The following GRIN2A variants were observed in gnomAD, a reference collection of about 807,000 sequenced individuals.
GRIN2A encodes the protein glutamate ionotropic receptor NMDA type subunit 2A.
A neutral mutation model predicts 113.4 loss-of-function variants in GRIN2A; 22 were observed. The ratio of observed to expected loss-of-function variants is 0.19; its 90% confidence interval spans 0.14 to 0.28. The LOEUF (loss-of-function observed/expected upper bound fraction) is 0.28. GRIN2A is among the 10% of genes least tolerant of loss of function. The probability of loss-of-function intolerance (pLI) is 1.00; values close to 1 mark genes in which losing one functional copy is unlikely to be tolerated. For missense variants in GRIN2A, 1,502 were observed against 1,887.0 expected (o/e 0.80, Z 3.78); for synonymous variants, 827 against 738.4 (o/e 1.12, Z -1.94).
intron 2 of GRIN2A, among the ~76,000 whole-genome samples, chr16:10,048,547 T>C (rs1456272631): frequency 6.6e-6 from 1 of 152,214 alleles, no homozygotes; most frequent in East Asian, 1.9e-4. Flanking sequence ...TCCACTTGAA[T>C]TAACATTCAG....
intron 2 of GRIN2A, among the ~76,000 whole-genome samples, chr16:10,168,966 AAATAATAACAATAAT>A (rs1450805609): frequency 1.1e-4 from 13 of 115,692 alleles, no homozygotes; most frequent in African/African-American, 4.6e-4. Context: ...ACTCTGTCTC[AAATAATAACAATAAT>A]AATAATAATA....
At chr16:10,099,179 T>A (rs899368580) in intron 2 of GRIN2A, among the ~76,000 whole-genome samples, 5 of 152,170 alleles carry the variant, frequency 3.3e-5, no homozygotes, top group Non-Finnish European at 7.4e-5. Flanking sequence ...ACAAAGGGCA[T>A]CATTATGAGT....
chr16:9,940,766 C>T (rs1360239549), intron 2 of GRIN2A, among the ~76,000 whole-genome samples: 1 of 152,134 alleles, frequency 6.6e-6, no homozygotes. Context: ...ACTACCCAAC[C>T]ATCCAATACC....
chr16:9,784,749 A>G (rs1596402119), intron 11 of GRIN2A, among the ~76,000 whole-genome samples: 1 of 152,066 alleles, frequency 6.6e-6, no homozygotes, highest in Admixed American at 6.6e-5. Flanking sequence ...TACAAGAAAA[A>G]AACAAACAAC....
rs566564463 is a variant in GRIN2A at position 9,874,791 on chromosome 16, A to C, written c.1122+16195T>G. Among the ~76,000 whole-genome samples, 49 of 152,102 alleles carry C rather than the reference A, an allele frequency of 3.2e-4. 1 individual carries two copies. Among genetic ancestry groups the C allele is most frequent in the Non-Finnish European group, 5.4e-4 (37 of 67,988 alleles). ...ATCATACTCATCTTGAATGTCTGTT[A>C]AAAGAGGATCAAGGCTGGGCACGGT... On this transcript the variant is annotated intron_variant, in intron 4 of 12. Coordinates refer to ENST00000330684, the MANE Select transcript of GRIN2A (RefSeq NM_001134407.3).
At chr16:9,944,627 G>A (rs1038652583) in intron 2 of GRIN2A, among the ~76,000 whole-genome samples, 7 of 152,044 alleles carry the variant, frequency 4.6e-5, no homozygotes, top group Non-Finnish European at 7.4e-5. Context: ...GCCTAGTTGC[G>A]GAGAGGTGTG....
intron 10 of GRIN2A, among the ~76,000 whole-genome samples, chr16:9,806,543 G>A (rs888291610): frequency 6.6e-6 from 1 of 152,100 alleles, no homozygotes; most frequent in Non-Finnish European, 1.5e-5. Context: ...GCAGAGAGAA[G>A]CAGAGAAGGG....
chr16:10,067,183 G>C (rs566728215), intron 2 of GRIN2A, among the ~76,000 whole-genome samples: 2 of 152,006 alleles, frequency 1.3e-5, no homozygotes, highest in African/African-American at 4.8e-5. Flanking sequence ...AAAGACACTT[G>C]CATCTGGGGC....
chr16:10,122,633 T>C lies in GRIN2A; in HGVS notation c.414+57365A>G, dbSNP rs977644821. 2.0e-5 allele frequency among the ~76,000 whole-genome samples: 3 copies of C among 152,132 alleles called. No homozygotes were observed. The East Asian group carries it at 5.8e-4, about 29-fold the overall frequency. The stretch of plus-strand genomic sequence containing the variant: ...CAAAAAATGGGGAGCATTAAAATTT[T>C]AAAAAAGGAATTAGATGAATATCCT... On this transcript the variant is annotated intron_variant, in intron 2 of 12. Transcript: ENST00000330684.
rs963156016 is a variant in GRIN2A at position 9,834,365 on chromosome 16, C to T, written c.1652-135G>A. 1.6e-5 allele frequency: 13 copies of T among 805,856 alleles called. 1 individual carries two copies. Among genetic ancestry groups the T allele is most frequent in the Admixed American group, 4.2e-5 (2 of 47,452 alleles). The allele number at this position is 805,856 out of a possible 1,614,324, so 49.9% of individuals were successfully genotyped here. On this transcript the variant is annotated intron_variant, in intron 7 of 12. Coordinates refer to ENST00000330684, the MANE Select transcript of GRIN2A (RefSeq NM_001134407.3). The stretch of plus-strand genomic sequence containing the variant: ...TTTGAATCTGATCCTTCAAAAGAAG[C>T]TAATCATTTTTTATTTTTATTTTTA...
rs184767942 is a variant in GRIN2A at position 9,794,464 on chromosome 16, C to T, written c.2356+3813G>A. Among the ~76,000 whole-genome samples, 3 of 152,306 alleles carry T rather than the reference C, an allele frequency of 2.0e-5. No individual in the cohort carries two copies. The East Asian group carries it at 5.8e-4, about 29-fold the overall frequency. On this transcript the variant is annotated intron_variant, in intron 11 of 12. Transcript: ENST00000330684. ...TAGAGCATAATTAATCCTGCTGAAGCTGCATACGATAAGTGAAATATTTAT... is the reference window on the plus strand; with the variant it reads ...TAGAGCATAATTAATCCTGCTGAAGTTGCATACGATAAGTGAAATATTTAT...
chr16:10,132,191 G>A (rs888999961), intron 2 of GRIN2A, among the ~76,000 whole-genome samples: 11 of 151,874 alleles, frequency 7.2e-5, no homozygotes, highest in Admixed American at 1.3e-4. Context: ...AATTAGCCGG[G>A]CGTGGTGGTG....
chr16:9,828,472 A>G (rs763162711), intron 9 of GRIN2A, among the ~76,000 whole-genome samples: 33 of 152,210 alleles, frequency 2.2e-4, no homozygotes, highest in South Asian at 1.7e-3. Flanking sequence ...TGAATGGCAA[A>G]AGGATATATG....
At position 10,023,108 on chromosome 16, in the gene GRIN2A, G is replaced by C. The variant is rs1369280262; in HGVS notation, c.415-84557C>G. Among the ~76,000 whole-genome samples the C allele has an allele frequency of 2.0e-5, 3 of 152,292 alleles. No homozygotes were observed. In the South Asian group the frequency reaches 6.2e-4, roughly 32 times the overall value. ...TGTAAAAAGAGGGCTCTACCAATGAGAAATTAACCACCTGGTATTGAGATG... is the reference window on the plus strand; with the variant it reads ...TGTAAAAAGAGGGCTCTACCAATGACAAATTAACCACCTGGTATTGAGATG... On this transcript the variant is annotated intron_variant, in intron 2 of 12. Transcript: ENST00000330684.
rs1313898557 is a variant in GRIN2A at position 10,181,054 on chromosome 16, A to C, written c.-18-625T>G. Among the ~76,000 whole-genome samples, 4 of 149,622 alleles carry C rather than the reference A, an allele frequency of 2.7e-5. No individual in the cohort carries two copies. The East Asian group carries it at 8.0e-4, about 30-fold the overall frequency. On this transcript the variant is annotated intron_variant, in intron 1 of 12. Transcript: ENST00000330684. ...TACAGACCCGGCTCCTCTCAGTCAG[A>C]GTACACCCCAAGTGCTTGGGAGTGA...
chr16:9,905,664 G>C (rs1567167795), intron 3 of GRIN2A, among the ~76,000 whole-genome samples: 1 of 152,130 alleles, frequency 6.6e-6, no homozygotes, highest in Non-Finnish European at 1.5e-5. Flanking sequence ...TGTGCCTATG[G>C]ATATACAATA....
At chr16:10,112,976 T>G in intron 2 of GRIN2A, 1 of 341,684 alleles carries the variant, frequency 2.9e-6, no homozygotes, top group South Asian at 2.5e-5. Context: ...GTCCACAGAT[T>G]TGCACTACGG....
At chr16:10,157,927 G>A (rs1009119498) in intron 2 of GRIN2A, among the ~76,000 whole-genome samples, 1 of 152,062 alleles carries the variant, frequency 6.6e-6, no homozygotes, top group Non-Finnish European at 1.5e-5. Context: ...GTTATCTTCT[G>A]CTTATCATAA....
intron 2 of GRIN2A, among the ~76,000 whole-genome samples, chr16:10,087,030 TGGA>T (rs2048098718): frequency 6.6e-6 from 1 of 151,988 alleles, no homozygotes; most frequent in African/African-American, 2.4e-5. Flanking sequence ...GAACAAGGAG[TGGA>T]GGAGAAGCTC....
Sources: gnomAD v4.1 joint callset for allele counts (sites outside exome capture counted in the v4.1 genomes callset) on GRCh38, gnomAD v4.1.1 for gene constraint, MANE v1.5 for transcripts, NCBI Gene and HGNC (gene_info 2026-07-23, HGNC 2026-07-21) for gene names.